APOOL: variants seen among roughly 807,000 people sequenced by gnomAD.
The protein encoded by APOOL is MICOS complex subunit MIC27.
In APOOL, 12 loss-of-function variants were observed where a neutral mutation model predicts 23.1. The observed-to-expected ratio is 0.52, with a 90% CI of 0.33 to 0.84. The LOEUF (loss-of-function observed/expected upper bound fraction) is 0.84. APOOL is among the 40% of genes least tolerant of loss of function. The pLI, the probability that APOOL is intolerant of heterozygous loss-of-function variation, is 0.02. For synonymous variants in APOOL, 77 were observed against 69.9 expected, an observed-to-expected ratio of 1.10 and a Z score of -0.51; for missense variants, 212 against 199.6, an observed-to-expected ratio of 1.06 and a Z score of -0.37.
At chrX:85,032,873 G>T (rs368492880) in intron 1 of APOOL, among the ~76,000 whole-genome samples, 237 of 111,880 alleles carry the variant, frequency 2.1e-3, no homozygotes, top group African/African-American at 7.3e-3. Flanking sequence ...GTTATATCTT[G>T]AATGTACTAC....
chrX:85,042,725 G>C (rs1922441107), intron 1 of APOOL, among the ~76,000 whole-genome samples: 1 of 111,663 alleles, frequency 9.0e-6, no homozygotes, highest in South Asian at 3.7e-4. Context: ...ACATTCAAAA[G>C]ATCATTCATC....
chrX:85,019,227 A>G (rs1921578169), intron 1 of APOOL, among the ~76,000 whole-genome samples: 1 of 111,017 alleles, frequency 9.0e-6, no homozygotes, highest in African/African-American at 3.3e-5. Flanking sequence ...TATGTTGGAA[A>G]CTAATACCGT....
chrX:85,030,577 A>C (rs1922004961), intron 1 of APOOL, among the ~76,000 whole-genome samples: 1 of 111,829 alleles, frequency 8.9e-6, no homozygotes, highest in African/African-American at 3.3e-5. Flanking sequence ...ACTCATCCAC[A>C]AATAACAGTG....
chrX:85,004,289 C>T (rs1478261780), intron 1 of APOOL, among the ~76,000 whole-genome samples: 3 of 111,737 alleles, frequency 2.7e-5, no homozygotes, highest in African/African-American at 9.8e-5. Flanking sequence ...GCATTTGTCT[C>T]GGCGCACAGG....
rs746362699 is a variant in APOOL, at chrX:85,054,369, G to C, written c.266G>C (p.Gly89Ala). The C allele has an allele frequency of 5.9e-6, 7 of 1,188,602 alleles. No homozygotes were observed. The South Asian group carries it at 1.3e-4, about 22-fold the overall frequency. Residue 89 changes from glycine to alanine, a missense_variant, in exon 4 of 9, where the codon GGG becomes GCG. Transcript: ENST00000373173. ...CKGVYVFVKN[G>A]IMDTVQFGKD... ...GGTGTTTATGTCTTTGTGAAAAATG[G>C]GATAATGGATACAGTACAATTTGGA...
At chrX:85,072,125 A>C (rs1923691482) in intron 6 of APOOL, among the ~76,000 whole-genome samples, 1 of 112,045 alleles carries the variant, frequency 8.9e-6, no homozygotes, top group Admixed American at 9.5e-5. Flanking sequence ...AACAAACAAA[A>C]AAAAGAACTC....
chrX:85,010,021 T>C (rs1350768568), intron 1 of APOOL, among the ~76,000 whole-genome samples: 3 of 111,969 alleles, frequency 2.7e-5, no homozygotes, highest in African/African-American at 6.5e-5. Flanking sequence ...GGTGTATATG[T>C]ACCAATTTTT....
At chrX:85,071,671 A>G (rs1226788106) in intron 6 of APOOL, among the ~76,000 whole-genome samples, 1 of 112,113 alleles carries the variant, frequency 8.9e-6, no homozygotes, top group Non-Finnish European at 1.9e-5. Flanking sequence ...AAAAGTTGAC[A>G]TATTTGACTA....
At position 85,092,470 on chromosome X, in the gene APOOL, A is replaced by G. The variant is rs945227642; in HGVS notation, c.*4792A>G. 8.3e-7 allele frequency: 1 copy of G among 1,207,441 alleles called. No homozygotes were observed. The highest frequency in any genetic ancestry group is 1.1e-6 in the Non-Finnish European group (1 of 893,171). On this transcript the variant is annotated 3_prime_UTR_variant, in exon 9 of 9. Transcript: ENST00000373173. ...CCAGCCCTCCTCAGAGGAAAGGTCT[A>G]AAGCCCCTCGACTAGTATAGTAGTT...
intron 1 of APOOL, among the ~76,000 whole-genome samples, chrX:85,038,010 G>A (rs1602754824): frequency 8.9e-6 from 1 of 111,878 alleles, no homozygotes; most frequent in Middle Eastern, 4.6e-3. Context: ...CTTCTGCACA[G>A]CAAAAGAAAT....
rs753220659 is a variant in APOOL, at chrX:85,078,075, A to C, written c.718+3684A>C. Among the ~76,000 whole-genome samples, 148 of 111,326 alleles carry C rather than the reference A, an allele frequency of 1.3e-3. 1 individual carries two copies. The highest frequency in any genetic ancestry group is 4.2e-3 in the African/African-American group (129 of 30,638). ...TCTGATGGTAGTTTCTTTTGCTGTG[A>C]AGAAGCTCTTTAGTTTAATTAGATC... On this transcript the variant is annotated intron_variant, in intron 8 of 8. Transcript: ENST00000373173.
chrX:85,059,830 C>G (rs1191039349), intron 5 of APOOL, among the ~76,000 whole-genome samples: 2 of 110,880 alleles, frequency 1.8e-5, no homozygotes, highest in Non-Finnish European at 3.8e-5. Context: ...TGTAGGTTGC[C>G]TGTTCACTTT....
chrX:85,060,138 C>A (rs1338174047), intron 5 of APOOL, among the ~76,000 whole-genome samples: 1 of 108,682 alleles, frequency 9.2e-6, no homozygotes, highest in Non-Finnish European at 1.9e-5. Context: ...ATAGGGAATC[C>A]TTTCCCCATT....
intron 1 of APOOL, among the ~76,000 whole-genome samples, chrX:85,021,760 G>T (rs1385039838): frequency 8.9e-6 from 1 of 111,766 alleles, no homozygotes; most frequent in Non-Finnish European, 1.9e-5. Flanking sequence ...AAAGATCAGA[G>T]CACAAATAAA....
chrX:85,055,522 T>TACCTTATAGTAACCC (rs1922929231), intron 4 of APOOL, among the ~76,000 whole-genome samples: 1 of 111,986 alleles, frequency 8.9e-6, no homozygotes, highest in Admixed American at 9.5e-5. Flanking sequence ...GTCAGAAATT[T>TACCTTATAGTAACCC]ACCTTATAGT....
At chrX:85,041,193 G>A (rs1199705515) in intron 1 of APOOL, among the ~76,000 whole-genome samples, 1 of 111,749 alleles carries the variant, frequency 8.9e-6, no homozygotes, top group African/African-American at 3.3e-5. Flanking sequence ...GACCCTGGTA[G>A]GGAAGCTCTG....
chrX:85,003,877 C>G lies in APOOL; in HGVS notation c.-36C>G. The G allele has an allele frequency of 8.3e-7, 1 of 1,210,614 alleles. No individual in the cohort carries two copies. Among genetic ancestry groups the G allele is most frequent in the South Asian group, 1.8e-5 (1 of 56,859 alleles). ...TCGAACTGATTTGTCCCTCTCTGCT[C>G]TCCGTCTGAAAACCTTGGCCGAAAG... is the stretch of plus-strand genomic sequence containing the variant. On this transcript the variant is annotated 5_prime_UTR_variant, in exon 1 of 9. Transcript: ENST00000373173.
Position 85,008,331 on chromosome X carries a change from T to G in APOOL, c.15+4404T>G. 3.6e-5 allele frequency among the ~76,000 whole-genome samples: 4 copies of G among 111,480 alleles called. 1 individual carries two copies. The highest frequency in any genetic ancestry group is 4.7e-3 in the Middle Eastern group (1 of 214). ...GGCCAACCTCCCAACCTCTCGCCTT[T>G]CCTTTACCTTTGCCTGTGGGAACCA... On this transcript the variant is annotated intron_variant, in intron 1 of 8. Coordinates refer to ENST00000373173, the MANE Select transcript of APOOL (RefSeq NM_198450.6).
chrX:85,067,283 T>A, intron 6 of APOOL, 65 bp downstream of exon 6: 1 of 772,800 alleles, frequency 1.3e-6, no homozygotes, highest in Non-Finnish European at 1.9e-6. Context: ...TGACAATATT[T>A]AAATGTTACA....
Sources: allele counts gnomAD v4.1 joint callset (sites outside exome capture counted in the v4.1 genomes callset), GRCh38; gene constraint gnomAD v4.1.1; transcripts MANE v1.5; gene names NCBI Gene and HGNC (gene_info 2026-07-23, HGNC 2026-07-21).